MID1: variants seen among roughly 807,000 people sequenced by gnomAD.
The protein encoded by MID1 is E3 ubiquitin-protein ligase Midline-1.
MID1 carries 7 observed loss-of-function variants against 40.4 expected under a neutral mutation model. The ratio of observed to expected loss-of-function variants is 0.17; its 90% CI spans 0.10 to 0.33. MID1 has a LOEUF of 0.33. MID1 is among the 10% of genes least tolerant of loss of function. The pLI, the probability that MID1 is intolerant of heterozygous loss-of-function variation, is 1.00. For missense variants in MID1, 367 were observed against 558.5 expected (o/e 0.66, Z 3.46); for synonymous variants, 229 against 221.2 (o/e 1.04, Z -0.31).
intron 1 of MID1, among the ~76,000 whole-genome samples, chrX:10,643,110 A>G (rs1490298840): frequency 8.9e-6 from 1 of 111,848 alleles, no homozygotes; most frequent in Non-Finnish European, 1.9e-5. Flanking sequence ...ATGGGCAGGG[A>G]CTTCATGTCT....
chrX:10,800,889 G>A (rs1328696822), intron 1 of MID1, among the ~76,000 whole-genome samples: 1 of 111,860 alleles, frequency 8.9e-6, no homozygotes. Flanking sequence ...ATTTGATTTA[G>A]CCAGGCTGGG....
chrX:10,716,651 C>A (rs1216664925), intron 1 of MID1, among the ~76,000 whole-genome samples: 1 of 111,619 alleles, frequency 9.0e-6, no homozygotes, highest in Non-Finnish European at 1.9e-5. Flanking sequence ...CTTCCCCAAT[C>A]TAGCAAGGCA....
At chrX:10,563,206 C>T (rs1320957321) in intron 2 of MID1, among the ~76,000 whole-genome samples, 1 of 111,753 alleles carries the variant, frequency 8.9e-6, no homozygotes, top group African/African-American at 3.2e-5. Flanking sequence ...TAAAAAATTA[C>T]AATGGGATGA....
At chrX:10,820,223 A>G (rs2044165304) in intron 1 of MID1, among the ~76,000 whole-genome samples, 1 of 112,373 alleles carries the variant, frequency 8.9e-6, no homozygotes, top group Admixed American at 9.5e-5. Context: ...TGCCAGGGAG[A>G]GATAAATAAG....
At chrX:10,752,083 G>A (rs1270927246) in intron 1 of MID1, among the ~76,000 whole-genome samples, 12 of 111,449 alleles carry the variant, frequency 1.1e-4, no homozygotes, top group Non-Finnish European at 2.3e-4. Flanking sequence ...CTGGCACCAT[G>A]CTTCCTGTAC....
At chrX:10,812,444 C>T (rs1361199002) in intron 1 of MID1, among the ~76,000 whole-genome samples, 2 of 111,446 alleles carry the variant, frequency 1.8e-5, no homozygotes, top group Non-Finnish European at 3.8e-5. Context: ...ATTACCCACT[C>T]AACCTGATGA....
At chrX:10,481,403 G>A (rs562228704) in intron 5 of MID1, among the ~76,000 whole-genome samples, 1 of 111,993 alleles carries the variant, frequency 8.9e-6, no homozygotes, top group African/African-American at 3.2e-5. Context: ...GGCATTGGCT[G>A]TACCTGGCCC....
chrX:10,544,292 T>C (rs1209895405), intron 2 of MID1, among the ~76,000 whole-genome samples: 2 of 110,673 alleles, frequency 1.8e-5, no homozygotes, highest in African/African-American at 3.3e-5. Flanking sequence ...AAAGACTTAG[T>C]GCATCAAAGG....
chrX:10,524,858 G>T (rs1932800610), intron 2 of MID1, among the ~76,000 whole-genome samples: 1 of 112,018 alleles, frequency 8.9e-6, no homozygotes, highest in African/African-American at 3.2e-5. Context: ...AAAGAAAGAA[G>T]TGAGCATGTG....
intron 1 of MID1, among the ~76,000 whole-genome samples, chrX:10,675,905 C>T (rs2043020415): frequency 9.0e-6 from 1 of 111,705 alleles, no homozygotes; most frequent in Non-Finnish European, 1.9e-5. Flanking sequence ...TGCATACAGA[C>T]AAAGAATATA....
chrX:10,519,442 C>T (rs1400787950), intron 3 of MID1, among the ~76,000 whole-genome samples: 1 of 111,490 alleles, frequency 9.0e-6, no homozygotes, highest in Non-Finnish European at 1.9e-5. Context: ...AGAGGCTTGC[C>T]AAAAGAGAAT....
intron 1 of MID1, among the ~76,000 whole-genome samples, chrX:10,628,854 T>C (rs985934863): frequency 4.5e-5 from 5 of 112,263 alleles, no homozygotes; most frequent in African/African-American, 1.3e-4. Flanking sequence ...CATGGACCAG[T>C]TATACATCAG....
At chrX:10,474,582 C>A in intron 6 of MID1, 41 bp downstream of exon 6, 1 of 1,187,922 alleles carries the variant, frequency 8.4e-7, no homozygotes, top group Non-Finnish European at 1.1e-6. Context: ...GTTTATATCA[C>A]TAAGTGTGCA....
chrX:10,464,542 G>A (rs1016856447), intron 7 of MID1, among the ~76,000 whole-genome samples: 1 of 111,913 alleles, frequency 8.9e-6, no homozygotes, highest in Non-Finnish European at 1.9e-5. Context: ...CCTCATGTTA[G>A]CTAATGTGAC....
At chrX:10,729,675 A>G (rs775340826) in intron 1 of MID1, among the ~76,000 whole-genome samples, 24 of 112,348 alleles carry the variant, frequency 2.1e-4, no homozygotes, top group Non-Finnish European at 3.4e-4. Context: ...AGTACTCTCT[A>G]TTAATGTTAT....
intron 7 of MID1, among the ~76,000 whole-genome samples, chrX:10,462,221 T>C (rs932727633): frequency 6.2e-5 from 7 of 112,308 alleles, no homozygotes; most frequent in African/African-American, 2.3e-4. Context: ...TATTACTGTT[T>C]AGGTTTACCT....
At chrX:10,816,329 CTGTT>C (rs2044135889) in intron 1 of MID1, among the ~76,000 whole-genome samples, 1 of 112,001 alleles carries the variant, frequency 8.9e-6, no homozygotes, top group African/African-American at 3.2e-5. Context: ...CACGCATTCA[CTGTT>C]TGTTTCTAAT....
chrX:10,716,275 CA>C (rs1471865521), intron 1 of MID1, among the ~76,000 whole-genome samples: 1 of 111,317 alleles, frequency 9.0e-6, no homozygotes, highest in Non-Finnish European at 1.9e-5. Context: ...GAACCCATGG[CA>C]AAAAAGTTAA....
At chrX:10,477,013 C>T (rs1465345591) in intron 5 of MID1, among the ~76,000 whole-genome samples, 1 of 112,523 alleles carries the variant, frequency 8.9e-6, no homozygotes, top group Admixed American at 9.4e-5. Flanking sequence ...CTATGCTACA[C>T]ACCAAAGAGC....
Sources: gnomAD v4.1 joint callset for allele counts (sites outside exome capture counted in the v4.1 genomes callset) on GRCh38, gnomAD v4.1.1 for gene constraint, MANE v1.5 for transcripts, NCBI Gene and HGNC (gene_info 2026-07-23, HGNC 2026-07-21) for gene names.